Variants in SIPA1L3 observed in about 807,000 individuals in gnomAD.
SIPA1L3 encodes signal induced proliferation associated 1 like 3, also known as signal-induced proliferation-associated 1-like protein 3.
A neutral mutation model predicts 150.1 loss-of-function variants in SIPA1L3; 59 were observed. That is an observed-to-expected ratio of 0.39 (90% CI 0.32 to 0.49). The LOEUF is 0.49. Among genes scored for constraint, SIPA1L3 ranks in the 20% least tolerant of loss-of-function variants. The pLI is 0.86. For missense variants in SIPA1L3, 2,211 were observed against 2,489.5 expected (o/e 0.89, Z 2.38); for synonymous variants, 1,070 against 1,077.6 (o/e 0.99, Z 0.14).
intron 1 of SIPA1L3, among the ~76,000 whole-genome samples, chr19:38,016,454 T>C (rs1968233798): frequency 6.6e-6 from 1 of 152,202 alleles, no homozygotes; most frequent in Non-Finnish European, 1.5e-5. Context: ...TACCCATTTA[T>C]TCAAACCAGA....
intron 1 of SIPA1L3, among the ~76,000 whole-genome samples, chr19:37,990,615 C>T (rs1166954002): frequency 6.6e-6 from 1 of 152,246 alleles, no homozygotes; most frequent in Non-Finnish European, 1.5e-5. Context: ...AACCCCGCCC[C>T]AGTCTGGGCT....
chr19:38,159,714 G>A (rs960470564), intron 13 of SIPA1L3, among the ~76,000 whole-genome samples: 2 of 152,222 alleles, frequency 1.3e-5, no homozygotes, highest in Admixed American at 1.3e-4. Flanking sequence ...TAACCTCTCC[G>A]AGTCTTGTTC....
At chr19:38,131,001 C>T (rs1331458386) in intron 10 of SIPA1L3, among the ~76,000 whole-genome samples, 2 of 152,224 alleles carry the variant, frequency 1.3e-5, no homozygotes, top group Admixed American at 6.5e-5. Flanking sequence ...CATTTAATCT[C>T]CACAGTTGCC....
intron 1 of SIPA1L3, among the ~76,000 whole-genome samples, chr19:37,993,974 A>G (rs1184864918): frequency 5.9e-5 from 9 of 152,144 alleles, no homozygotes; most frequent in Non-Finnish European, 1.5e-5. Flanking sequence ...AGCTCACTGC[A>G]GCCAAGAATT....
Position 38,080,969 on chromosome 19 carries a change from CA to C in SIPA1L3, c.-310-272del, listed in dbSNP as rs34741674. ...TGGGTGACAGAGCGAGACTCTGTCT[CA>C]AAAAAAAAAAAAAATGATGTCTGGG... On this transcript the variant is annotated intron_variant, in intron 2 of 21. Transcript: ENST00000222345. 0.4 allele frequency among the ~76,000 whole-genome samples: 47,129 copies of C among 117,280 alleles called. 7,636 individuals are homozygous for C. The highest frequency in any genetic ancestry group is 0.63 in the East Asian group (2,816 of 4,458). The allele number at this position is 117,280 out of a possible 152,430, so 76.9% of individuals were successfully genotyped here.
intron 1 of SIPA1L3, among the ~76,000 whole-genome samples, chr19:38,001,832 A>C (rs545701382): frequency 6.6e-6 from 1 of 151,852 alleles, no homozygotes; most frequent in Non-Finnish European, 1.5e-5. Context: ...TACATAACAA[A>C]TTTTTTTTAT....
At chr19:38,199,717 G>A (rs1205689036) in intron 19 of SIPA1L3, 1 of 152,194 alleles carries the variant, frequency 6.6e-6, no homozygotes, top group Non-Finnish European at 1.5e-5. Context: ...GGTCAGGGTG[G>A]TTTCAGCTTG....
intron 1 of SIPA1L3, among the ~76,000 whole-genome samples, chr19:37,979,103 T>C (rs1352377804): frequency 2.6e-5 from 4 of 152,152 alleles, no homozygotes; most frequent in Admixed American, 2.6e-4. Flanking sequence ...ACATGGCAGC[T>C]GGGCTCAACA....
chr19:38,119,480 G>A lies in SIPA1L3; in HGVS notation c.2466G>A (p.Gln822=). 1 of 1,614,194 alleles carries A rather than the reference G, an allele frequency of 6.2e-7. No individual in the cohort carries two copies. The highest frequency in any genetic ancestry group is 2.2e-5 in the East Asian group (1 of 44,872). ...ACACCATGGCCACCAGGACCCGCCA[G>A]GAGTATCTCAAGGACCTGGCCGAAA... The part of the protein sequence containing the change: ...KFHTMATRTR[Q]EYLKDLAENC... Residue 822 remains glutamine, a synonymous_variant, in exon 9 of 22, where the codon CAG becomes CAA. Coordinates refer to ENST00000222345, the MANE Select transcript of SIPA1L3 (RefSeq NM_015073.3).
chr19:38,037,889 C>T (rs1968826651), intron 2 of SIPA1L3, among the ~76,000 whole-genome samples: 1 of 152,268 alleles, frequency 6.6e-6, no homozygotes, highest in Non-Finnish European at 1.5e-5. Flanking sequence ...GCTGGTGACA[C>T]AGCAGCTCAA....
At chr19:38,181,720 T>C (rs2146022384) in intron 15 of SIPA1L3, among the ~76,000 whole-genome samples, 1 of 151,498 alleles carries the variant, frequency 6.6e-6, no homozygotes, top group South Asian at 2.1e-4. Context: ...GTGGCACACA[T>C]CTGTAATCCC....
rs1243983055 is a variant in SIPA1L3, at chr19:37,937,809, G to A, written c.-379+30451G>A. Among the ~76,000 whole-genome samples the A allele has an allele frequency of 6.1e-5, 9 of 146,516 alleles. No individual in the cohort carries two copies. In the South Asian group the frequency reaches 1.7e-3, roughly 28 times the overall value. ...CACCTGTAATCCCAGCACTTTGGGA[G>A]GCTGAGGTGGGCAGATCATGAGCTT... On this transcript the variant is annotated intron_variant, in intron 1 of 21. Coordinates refer to ENST00000222345, the MANE Select transcript of SIPA1L3 (RefSeq NM_015073.3).
intron 1 of SIPA1L3, among the ~76,000 whole-genome samples, chr19:37,939,766 G>T: frequency 6.6e-6 from 1 of 152,254 alleles, no homozygotes; most frequent in East Asian, 1.9e-4. Flanking sequence ...TATTTCCCAT[G>T]GCCTTATTCT....
At chr19:38,124,288 G>T (rs1385061734) in intron 9 of SIPA1L3, among the ~76,000 whole-genome samples, 6 of 151,430 alleles carry the variant, frequency 4.0e-5, no homozygotes, top group Non-Finnish European at 8.9e-5. Flanking sequence ...TCTCAGACGG[G>T]GCGGCCGGGC....
rs534214784 is a variant in SIPA1L3, at chr19:38,165,145, C to G, written c.4208+239C>G. 4.6e-5 allele frequency among the ~76,000 whole-genome samples: 7 copies of G among 152,334 alleles called. No homozygotes were observed. The South Asian group carries it at 1.4e-3, about 32-fold the overall frequency. On this transcript the variant is annotated intron_variant, in intron 15 of 21. Transcript: ENST00000222345. ...CCTGGCCTTCTGTCTCTGTTTTCAT[C>G]TGTCTCTGGTTCTCTCTGACCCTCT...
At chr19:37,937,582 A>T (rs1270881290) in intron 1 of SIPA1L3, among the ~76,000 whole-genome samples, 14 of 149,702 alleles carry the variant, frequency 9.4e-5, no homozygotes, top group East Asian at 2.0e-4. Flanking sequence ...CTACAAAAAA[A>T]TTTTTAAAAA....
chr19:38,196,687 TC>T (rs1033420342), intron 18 of SIPA1L3, among the ~76,000 whole-genome samples: 2 of 144,042 alleles, frequency 1.4e-5, no homozygotes, highest in Non-Finnish European at 3.0e-5. Context: ...AGCGTGGAGG[TC>T]AAGAGTGGAG....
intron 8 of SIPA1L3, among the ~76,000 whole-genome samples, chr19:38,114,163 G>A (rs1389661389): frequency 6.6e-6 from 1 of 152,154 alleles, no homozygotes; most frequent in African/African-American, 2.4e-5. Context: ...GCTCATGCCT[G>A]TAATCCCAGC....
At chr19:38,053,546 C>T (rs1456169703) in intron 2 of SIPA1L3, among the ~76,000 whole-genome samples, 2 of 151,842 alleles carry the variant, frequency 1.3e-5, no homozygotes, top group Non-Finnish European at 2.9e-5. Context: ...CACAGTCACC[C>T]TATGAAGGAG....
Sources: allele counts gnomAD v4.1 joint callset (sites outside exome capture counted in the v4.1 genomes callset), GRCh38; gene constraint gnomAD v4.1.1; transcripts MANE v1.5; gene names NCBI Gene and HGNC (gene_info 2026-07-23, HGNC 2026-07-21).